Variants in DDAH1 observed in about 807,000 individuals in gnomAD.
DDAH1 encodes dimethylarginine dimethylaminohydrolase 1.
Under a neutral mutation model 28.8 loss-of-function variants are expected in DDAH1, and 19 were observed. The ratio of observed to expected loss-of-function variants is 0.66; its 90% CI spans 0.46 to 0.97. The LOEUF is 0.97. Ranked by LOEUF, DDAH1 falls within the 50% of genes least tolerant of loss-of-function variation. DDAH1 has a pLI of 0.00. For missense variants in DDAH1, 326 were observed against 375.9 expected, an observed-to-expected ratio of 0.87 and a Z score of 1.10; for synonymous variants, 153 against 154.4, an observed-to-expected ratio of 0.99 and a Z score of 0.07.
At position 85,511,367 on chromosome 1, in the gene DDAH1, T is replaced by C. The variant is rs184833024; in HGVS notation, c.-122-15086A>G. 3.9e-5 allele frequency among the ~76,000 whole-genome samples: 6 copies of C among 152,284 alleles called. No individual in the cohort carries two copies. In the East Asian group the frequency reaches 1.2e-3, roughly 29 times the overall value. On this transcript the variant is annotated intron_variant, in intron 1 of 6. Coordinates refer to the DDAH1 transcript ENST00000426972. Reference sequence around the variant, plus strand: ...TTTAAAGCAGTGTGTAGAGGGAAATTTATAGCACTAAACGTCCACTAGAGA... The same window carrying C: ...TTTAAAGCAGTGTGTAGAGGGAAATCTATAGCACTAAACGTCCACTAGAGA...
chr1:85,323,229 G>T (rs558553231), intron 5 of DDAH1, among the ~76,000 whole-genome samples: 1 of 151,834 alleles, frequency 6.6e-6, no homozygotes, highest in Non-Finnish European at 1.5e-5. Context: ...TAATATTTGC[G>T]AAGCTTAAGA....
intron 4 of DDAH1, among the ~76,000 whole-genome samples, chr1:85,341,926 A>G (rs1028821385): frequency 6.6e-6 from 1 of 152,214 alleles, no homozygotes; most frequent in South Asian, 2.1e-4. Context: ...CCCACTCTGA[A>G]GTGATCCTTA....
intron 1 of DDAH1, among the ~76,000 whole-genome samples, chr1:85,440,592 T>C (rs950171433): frequency 6.6e-6 from 1 of 152,236 alleles, no homozygotes; most frequent in Non-Finnish European, 1.5e-5. Flanking sequence ...GAGAATGTTA[T>C]GTAAAATTAC....
At chr1:85,398,687 G>C (rs974903814) in intron 1 of DDAH1, 2 of 152,168 alleles carry the variant, frequency 1.3e-5, no homozygotes, top group Non-Finnish European at 2.9e-5. Flanking sequence ...GCCGTGGACA[G>C]CTTTTCCCAA....
At chr1:85,571,037 A>T (rs1297658257) in intron 1 of DDAH1, among the ~76,000 whole-genome samples, 2 of 152,160 alleles carry the variant, frequency 1.3e-5, no homozygotes, top group Non-Finnish European at 2.9e-5. Flanking sequence ...CTGATCCTGG[A>T]CAAGTTGCTT....
intron 2 of DDAH1, among the ~76,000 whole-genome samples, chr1:85,471,490 C>T (rs1303572849): frequency 6.6e-6 from 1 of 152,156 alleles, no homozygotes; most frequent in Non-Finnish European, 1.5e-5. Flanking sequence ...CACACATTGC[C>T]TTGAATTGAT....
chr1:85,384,738 T>G (rs959612915), intron 1 of DDAH1, among the ~76,000 whole-genome samples: 1 of 152,224 alleles, frequency 6.6e-6, no homozygotes, highest in African/African-American at 2.4e-5. Flanking sequence ...TGAAAATTTT[T>G]TCTCATTTAA....
chr1:85,443,150 A>T (rs1398478156), intron 1 of DDAH1, among the ~76,000 whole-genome samples: 1 of 152,164 alleles, frequency 6.6e-6, no homozygotes, highest in Admixed American at 6.5e-5. Context: ...TAGGATTTTT[A>T]TGGTTTTAGG....
Position 85,321,485 on chromosome 1 carries a change from GCA to G in DDAH1, c.823_824del (p.Cys275LeufsTer5). ...CTACTTTCTTGTTAATTAAAACTGA[GCA>G]GCAGGTGAGCAGCCCATCCACCTTT... ...LEKVDGLLTCCSVLINKKVDS is the reference protein window; with the variant it reads ...LEKVDGLLTCXSVLINKKVDS On this transcript the variant is annotated frameshift_variant, in exon 6 of 6. Transcript: ENST00000284031. LOFTEE classifies it high-confidence loss of function. 1 of 1,614,138 alleles carries G rather than the reference GCA, an allele frequency of 6.2e-7. No individual in the cohort carries two copies. The highest frequency in any genetic ancestry group is 8.5e-7 in the Non-Finnish European group (1 of 1,179,968).
At chr1:85,501,862 A>G (rs922512943) in intron 1 of DDAH1, among the ~76,000 whole-genome samples, 1 of 152,146 alleles carries the variant, frequency 6.6e-6, no homozygotes, top group African/African-American at 2.4e-5. Context: ...TTCACACTGG[A>G]TACTTTTGCT....
chr1:85,396,344 T>C (rs927590393), intron 1 of DDAH1, among the ~76,000 whole-genome samples: 2 of 152,144 alleles, frequency 1.3e-5, no homozygotes, highest in Non-Finnish European at 2.9e-5. Flanking sequence ...CTTCCACTTA[T>C]GGCAGAAAGC....
intron 2 of DDAH1, among the ~76,000 whole-genome samples, chr1:85,490,907 T>A (rs1656372599): frequency 6.6e-6 from 1 of 152,224 alleles, no homozygotes; most frequent in Admixed American, 6.5e-5. Context: ...CATTCTGAGA[T>A]TCTGGCCTCT....
intron 1 of DDAH1, among the ~76,000 whole-genome samples, chr1:85,371,630 G>C (rs562309653): frequency 2.3e-4 from 35 of 152,288 alleles, no homozygotes; most frequent in Admixed American, 7.2e-4. Flanking sequence ...TGTAGGCAAG[G>C]CTATATAGCA....
At chr1:85,538,996 T>C (rs1658383668) in intron 1 of DDAH1, among the ~76,000 whole-genome samples, 1 of 152,154 alleles carries the variant, frequency 6.6e-6, no homozygotes, top group South Asian at 2.1e-4. Context: ...TTCTTCAACC[T>C]CTTGTCTTTT....
intron 1 of DDAH1, among the ~76,000 whole-genome samples, chr1:85,390,674 G>T (rs1198954502): frequency 6.6e-6 from 1 of 152,086 alleles, no homozygotes; most frequent in Admixed American, 6.6e-5. Context: ...TACTGCAGGG[G>T]CCTCTTTATT....
At chr1:85,567,038 A>G (rs749652724) in intron 1 of DDAH1, among the ~76,000 whole-genome samples, 4 of 152,190 alleles carry the variant, frequency 2.6e-5, no homozygotes, top group African/African-American at 7.2e-5. Flanking sequence ...AGGCAGGAAG[A>G]ATTACCTCAT....
chr1:85,355,468 C>T (rs1649442892), intron 2 of DDAH1, among the ~76,000 whole-genome samples: 1 of 152,020 alleles, frequency 6.6e-6, no homozygotes, highest in African/African-American at 2.4e-5. Context: ...AAATTCAACA[C>T]TGTGTTAAAA....
chr1:85,510,384 G>C (rs1393987092), intron 1 of DDAH1, among the ~76,000 whole-genome samples: 1 of 152,142 alleles, frequency 6.6e-6, no homozygotes, highest in Non-Finnish European at 1.5e-5. Flanking sequence ...GGAACCAGCT[G>C]CTGCAAAAAC....
intron 1 of DDAH1, among the ~76,000 whole-genome samples, chr1:85,390,921 C>T (rs1213403276): frequency 6.6e-6 from 1 of 152,052 alleles, no homozygotes; most frequent in Non-Finnish European, 1.5e-5. Flanking sequence ...ATGAACAAGA[C>T]CATTCATATA....
Sources: allele counts gnomAD v4.1 joint callset (sites outside exome capture counted in the v4.1 genomes callset), GRCh38; gene constraint gnomAD v4.1.1; transcripts MANE v1.5; gene names NCBI Gene and HGNC (gene_info 2026-07-23, HGNC 2026-07-21).